The following DCP2 variants were observed in gnomAD, a reference collection of about 807,000 sequenced individuals.
DCP2 encodes the protein decapping mRNA 2.
Under a neutral mutation model 56.1 loss-of-function variants are expected in DCP2, and 30 were observed. The observed-to-expected ratio is 0.53, with a 90% confidence interval of 0.40 to 0.73. The LOEUF (loss-of-function observed/expected upper bound fraction) is 0.73, where lower values mean the gene tolerates loss of function less well. Among genes scored for constraint, DCP2 ranks in the 30% least tolerant of loss-of-function variants. DCP2 has a pLI of 0.00. For missense variants in DCP2, 533 were observed against 502.7 expected, an observed-to-expected ratio of 1.06 and a Z score of -0.58; for synonymous variants, 197 against 163.3, an observed-to-expected ratio of 1.21 and a Z score of -1.57.
intron 8 of DCP2, 63 bp from the exon 9 acceptor site, chr5:113,007,875 T>G: frequency 1.4e-6 from 2 of 1,394,168 alleles, no homozygotes. Flanking sequence ...ATTCATGGGG[T>G]ATTTTTTTTG....
chr5:113,021,425 CGA>C lies in DCP2; in HGVS notation c.*7945_*7946del, dbSNP rs1750125788. Among the ~76,000 whole-genome samples, 1 of 148,084 alleles carries C rather than the reference CGA, an allele frequency of 6.8e-6. No individual in the cohort carries two copies. The highest frequency in any genetic ancestry group is 1.5e-5 in the Non-Finnish European group (1 of 67,344). ...AAAAACCCCCAGGAAGAAATATTGT[CGA>C]GAGTCTCTGCAAAAATGAAAATACC... is the stretch of plus-strand genomic sequence containing the variant. On this transcript the variant is annotated 3_prime_UTR_variant, in exon 11 of 11. Coordinates refer to ENST00000389063, the MANE Select transcript of DCP2 (RefSeq NM_152624.6).
chr5:113,007,366 G>A (rs1427263356), intron 8 of DCP2, among the ~76,000 whole-genome samples: 2 of 147,224 alleles, frequency 1.4e-5, no homozygotes, highest in African/African-American at 2.5e-5. Context: ...AAGGCAAGAG[G>A]TGTGGAAAGA....
At chr5:113,009,188 T>G (rs1352165456) in intron 9 of DCP2, among the ~76,000 whole-genome samples, 1 of 152,230 alleles carries the variant, frequency 6.6e-6, no homozygotes, top group Non-Finnish European at 1.5e-5. Context: ...TTAATTGTCC[T>G]CAAATTAATG....
chr5:113,017,181 T>A lies in DCP2; in HGVS notation c.*3697T>A, dbSNP rs1428269322. The stretch of plus-strand genomic sequence containing the variant: ...CAGTATTTTCTTTGTATGTTAATCA[T>A]AGTTATAGTAAAGTCAGACTCATTA... On this transcript the variant is annotated 3_prime_UTR_variant, in exon 11 of 11. Transcript: ENST00000389063. 6.6e-6 allele frequency: 1 copy of A among 152,232 alleles called. No individual in the cohort carries two copies. Among genetic ancestry groups the A allele is most frequent in the Non-Finnish European group, 1.5e-5 (1 of 68,052 alleles). 9.4% of individuals were successfully genotyped at this position (152,232 alleles called of 1,614,324 possible).
rs1413435592 is a variant in DCP2 at position 113,019,857 on chromosome 5, A to G, written c.*6373A>G. On this transcript the variant is annotated 3_prime_UTR_variant, in exon 11 of 11. Coordinates refer to ENST00000389063, the MANE Select transcript of DCP2 (RefSeq NM_152624.6). ...TCTCATTTCAGAATAAAATAAACGG[A>G]ATTACAGTTCATGCATTAGCATTTT... 3.9e-5 allele frequency: 6 copies of G among 152,196 alleles called. No individual in the cohort carries two copies. The highest frequency in any genetic ancestry group is 1.4e-4 in the African/African-American group (6 of 41,438). The allele number at this position is 152,196 out of a possible 1,614,324, so 9.4% of individuals were successfully genotyped here. A position where few individuals can be genotyped will look rare whatever the true frequency, so the allele number is the denominator to read the frequency against.
chr5:113,004,412 T>C (rs1381981600), intron 8 of DCP2, among the ~76,000 whole-genome samples: 3 of 152,248 alleles, frequency 2.0e-5, no homozygotes, highest in African/African-American at 7.2e-5. Context: ...AGTAACAGCG[T>C]ATTGTAAACT....
Position 113,016,714 on chromosome 5 carries a change from A to G in DCP2, c.*3230A>G, listed in dbSNP as rs1749900436. 6.6e-6 allele frequency: 1 copy of G among 152,080 alleles called. No individual in the cohort carries two copies. The highest frequency in any genetic ancestry group is 2.4e-5 in the African/African-American group (1 of 41,394). The allele number at this position is 152,080 out of a possible 1,614,324, so 9.4% of individuals were successfully genotyped here. The stretch of plus-strand genomic sequence containing the variant: ...GTGCATTAAAAACATTTCACTACCT[A>G]TTCTCTCATGGACTTCTCATCCTTT... On this transcript the variant is annotated 3_prime_UTR_variant, in exon 11 of 11. Coordinates refer to ENST00000389063, the MANE Select transcript of DCP2 (RefSeq NM_152624.6).
chr5:112,993,013 C>G (rs985881065), intron 4 of DCP2, among the ~76,000 whole-genome samples: 7 of 149,804 alleles, frequency 4.7e-5, no homozygotes, highest in Non-Finnish European at 1.0e-4. Context: ...TTGTTCCTTT[C>G]TTTGATGATA....
Position 113,013,783 on chromosome 5 carries a change from T to G in DCP2, c.*299T>G, listed in dbSNP as rs971063671. 4.1e-6 allele frequency: 1 copy of G among 241,938 alleles called. No homozygotes were observed. The highest frequency in any genetic ancestry group is 1.2e-4 in the South Asian group (1 of 8,632). The allele number at this position is 241,938 out of a possible 1,614,324, so 15.0% of individuals were successfully genotyped here. A position where few individuals can be genotyped will look rare whatever the true frequency, so the allele number is the denominator to read the frequency against. ...TTTTGTATTCTGGTTAAGAAAATAA[T>G]GTATTGAGTTACTGTCAAGTAGCCA... On this transcript the variant is annotated 3_prime_UTR_variant, in exon 11 of 11. Coordinates refer to ENST00000389063, the MANE Select transcript of DCP2 (RefSeq NM_152624.6).
At chr5:112,995,894 A>G (rs2150179323) in intron 4 of DCP2, among the ~76,000 whole-genome samples, 1 of 152,338 alleles carries the variant, frequency 6.6e-6, no homozygotes, top group Non-Finnish European at 1.5e-5. Context: ...TGGGAAGTCC[A>G]AGAGCAAGGT....
Position 113,008,051 on chromosome 5 carries a change from T to C in DCP2, c.1047+9T>C. ...AGCAGAATTCTTTGATGGTAAGAGT[T>C]ATAGCTGTCACACTAAGTAGGCAGT... On this transcript the variant is annotated intron_variant, in intron 9 of 10. Transcript: ENST00000389063. 6.2e-7 allele frequency: 1 copy of C among 1,609,484 alleles called. No individual in the cohort carries two copies. Among genetic ancestry groups the C allele is most frequent in the Non-Finnish European group, 8.5e-7 (1 of 1,176,262 alleles).
rs74315650 is a variant in DCP2 at position 113,000,821 on chromosome 5, T to G, written c.433-263T>G. Among the ~76,000 whole-genome samples, 1,230 of 152,328 alleles carry G rather than the reference T, an allele frequency of 8.1e-3. 13 individuals carry two copies. Among genetic ancestry groups the G allele is most frequent in the African/African-American group, 0.028 (1,168 of 41,576 alleles). Reference sequence around the variant, plus strand: ...TATTCTGGGAAAGATATATAGTTTGTGTGTGTTTGAATGTCAGCAATCAGG... The same window carrying G: ...TATTCTGGGAAAGATATATAGTTTGGGTGTGTTTGAATGTCAGCAATCAGG... On this transcript the variant is annotated intron_variant, in intron 4 of 10. Transcript: ENST00000389063.
At chr5:113,001,277 C>A in intron 5 of DCP2, 41 bp downstream of exon 5, 1 of 1,600,528 alleles carries the variant, frequency 6.2e-7, no homozygotes, top group Non-Finnish European at 8.5e-7. Flanking sequence ...GACAGTATCC[C>A]AAATGAATAA....
chr5:112,996,584 T>C (rs1016101928), intron 4 of DCP2, among the ~76,000 whole-genome samples: 1 of 152,246 alleles, frequency 6.6e-6, no homozygotes, highest in African/African-American at 2.4e-5. Context: ...TAGCAGAATT[T>C]GACACATCCT....
chr5:112,978,897 T>A (rs1283410494), intron 1 of DCP2, among the ~76,000 whole-genome samples: 2 of 152,184 alleles, frequency 1.3e-5, no homozygotes, highest in Non-Finnish European at 2.9e-5. Context: ...AAGAGTTGAT[T>A]TAGAAAAAGA....
chr5:113,011,341 T>A (rs1328216228), intron 10 of DCP2, among the ~76,000 whole-genome samples: 1 of 152,220 alleles, frequency 6.6e-6, no homozygotes, highest in Middle Eastern at 3.2e-3. Flanking sequence ...TACTTGCAAT[T>A]TCTCCTTCCT....
chr5:112,996,786 G>C (rs1033445780), intron 4 of DCP2, among the ~76,000 whole-genome samples: 3 of 152,048 alleles, frequency 2.0e-5, no homozygotes, highest in African/African-American at 7.2e-5. Context: ...TTGTTAATTT[G>C]ACTATTTCTG....
intron 10 of DCP2, among the ~76,000 whole-genome samples, chr5:113,011,764 ATC>A (rs1491287934): frequency 6.6e-6 from 1 of 152,160 alleles, no homozygotes; most frequent in Non-Finnish European, 1.5e-5. Flanking sequence ...TTGCGGTCAT[ATC>A]CAAAAAAAAG....
At chr5:112,991,927 G>T (rs563157123) in intron 2 of DCP2, among the ~76,000 whole-genome samples, 194 bp from the exon 3 acceptor site, 1 of 152,254 alleles carries the variant, frequency 6.6e-6, no homozygotes, top group East Asian at 1.9e-4. Flanking sequence ...CAAAAACACA[G>T]TCTGCCTCGG....
Sources: allele counts gnomAD v4.1 joint callset (sites outside exome capture counted in the v4.1 genomes callset), GRCh38; gene constraint gnomAD v4.1.1; transcripts MANE v1.5; gene names NCBI Gene and HGNC (gene_info 2026-07-23, HGNC 2026-07-21).